Variants in UNC79 observed in about 807,000 individuals in gnomAD.
UNC79 encodes unc-79 subunit of NALCN channel complex, also known as protein unc-79 homolog.
A neutral mutation model predicts 283.1 loss-of-function variants in UNC79; 37 were observed. The observed-to-expected ratio is 0.13, with a 90% CI of 0.10 to 0.17. The LOEUF (loss-of-function observed/expected upper bound fraction) is 0.17, where lower values mean the gene tolerates loss of function less well. UNC79 is among the 10% of genes least tolerant of loss of function. The pLI is 1.00. For missense variants in UNC79, 2,272 were observed against 3,211.1 expected, an observed-to-expected ratio of 0.71 and a Z score of 7.07; for synonymous variants, 1,107 against 1,200.2, an observed-to-expected ratio of 0.92 and a Z score of 1.61.
chr14:93,677,442 G>C (rs1396327682), intron 41 of UNC79, among the ~76,000 whole-genome samples: 5 of 152,168 alleles, frequency 3.3e-5, no homozygotes, highest in Admixed American at 3.3e-4. Flanking sequence ...AGCTTGTGCA[G>C]GGGAACTCCC....
intron 27 of UNC79, among the ~76,000 whole-genome samples, chr14:93,614,388 C>A (rs2066537558): frequency 6.6e-6 from 1 of 152,000 alleles, no homozygotes; most frequent in Non-Finnish European, 1.5e-5. Flanking sequence ...GCAGTCTCGG[C>A]TCACTGCAAG....
exon 4 of UNC79, chr14:93,477,602 T>C (rs2057876798): frequency 6.2e-7 from 1 of 1,610,922 alleles, no homozygotes; most frequent in Non-Finnish European, 8.5e-7. Context: ...TTTGCTACCT[T>C]TTCTCAATGA....
At chr14:93,473,749 C>T (rs1176669032) in intron 2 of UNC79, among the ~76,000 whole-genome samples, 2 of 152,150 alleles carry the variant, frequency 1.3e-5, no homozygotes, top group Non-Finnish European at 2.9e-5. Flanking sequence ...TAGACAAAGC[C>T]GTTGTTTTTT....
At chr14:93,702,981 C>T (rs1314001291) in intron 47 of UNC79, among the ~76,000 whole-genome samples, 2 of 152,240 alleles carry the variant, frequency 1.3e-5, no homozygotes, top group Non-Finnish European at 2.9e-5. Context: ...TAGAGCATCC[C>T]CTCTTCGGAA....
In UNC79 at chr14:93,640,258, C is replaced by G. The variant is rs138179647; in HGVS notation, c.5801-887C>G. On this transcript the variant is annotated intron_variant, in intron 32 of 48. Coordinates refer to ENST00000555664, the Ensembl canonical transcript of UNC79. ...CCCAAAGTTTTAAACACCGTGGTAT[C>G]GATTGGCTGACGTGGAATGAGTCAC... Among the ~76,000 whole-genome samples the G allele has an allele frequency of 2.6e-5, 4 of 152,262 alleles. No homozygotes were observed. In the East Asian group the frequency reaches 7.7e-4, roughly 29 times the overall value.
chr14:93,446,620 C>T (rs2056468738), intron 1 of UNC79, among the ~76,000 whole-genome samples: 1 of 152,164 alleles, frequency 6.6e-6, no homozygotes, highest in Non-Finnish European at 1.5e-5. Context: ...TCTCAGATTC[C>T]TGACCTCAAA....
chr14:93,606,828 CTA>C (rs1168223714), intron 26 of UNC79, among the ~76,000 whole-genome samples: 1 of 152,200 alleles, frequency 6.6e-6, no homozygotes, highest in Non-Finnish European at 1.5e-5. Context: ...TCACATTTCT[CTA>C]TGACTTTTCA....
chr14:93,407,617 CA>C (rs2055252535), intron 1 of UNC79, among the ~76,000 whole-genome samples: 1 of 152,020 alleles, frequency 6.6e-6, no homozygotes, highest in African/African-American at 2.4e-5. Context: ...AGGAGAAGGG[CA>C]ATCAGATCAT....
At chr14:93,658,514 GTTTA>G (rs2071194783) in intron 38 of UNC79, among the ~76,000 whole-genome samples, 1 of 152,146 alleles carries the variant, frequency 6.6e-6, no homozygotes. Flanking sequence ...CCATATCATT[GTTTA>G]TTCTTGCTGT....
intron 7 of UNC79, among the ~76,000 whole-genome samples, chr14:93,518,967 G>A (rs996520506): frequency 4.0e-5 from 6 of 151,892 alleles, no homozygotes; most frequent in Admixed American, 1.3e-4. Context: ...CTTGTTAAAT[G>A]TTGCACGTGT....
intron 1 of UNC79, among the ~76,000 whole-genome samples, chr14:93,449,978 TC>T (rs2056586435): frequency 1.3e-5 from 2 of 152,210 alleles, no homozygotes; most frequent in Non-Finnish European, 1.5e-5. Flanking sequence ...ACGCCCTCTT[TC>T]ATATCATGAA....
At chr14:93,391,782 C>T (rs34400943) in intron 1 of UNC79, among the ~76,000 whole-genome samples, 2,888 of 152,120 alleles carry the variant, frequency 0.019, 39 homozygotes, top group Non-Finnish European at 0.032. Flanking sequence ...TAAAAAAAGA[C>T]GATTTATATA....
intron 29 of UNC79, among the ~76,000 whole-genome samples, chr14:93,620,470 A>G (rs936173342): frequency 3.9e-5 from 6 of 152,142 alleles, no homozygotes; most frequent in Non-Finnish European, 5.9e-5. Flanking sequence ...GGAAAGCCCA[A>G]GATCCACTCA....
At chr14:93,668,489 T>C (rs1214798256) in intron 40 of UNC79, among the ~76,000 whole-genome samples, 2 of 151,924 alleles carry the variant, frequency 1.3e-5, no homozygotes, top group African/African-American at 2.4e-5. Context: ...GGTGGGAAGA[T>C]CGCTTGAGCC....
chr14:93,497,192 A>G (rs947471378), exon 7 of UNC79: 6 of 1,613,538 alleles, frequency 3.7e-6, no homozygotes, highest in Non-Finnish European at 5.1e-6. Flanking sequence ...GGCCTTCACA[A>G]GTGAAGCCTC....
chr14:93,639,447 C>G (rs998882042), intron 32 of UNC79, among the ~76,000 whole-genome samples: 1 of 152,182 alleles, frequency 6.6e-6, no homozygotes, highest in Non-Finnish European at 1.5e-5. Flanking sequence ...CTTGCCTTTT[C>G]TGTTATTAAT....
At chr14:93,618,306 T>G (rs1413492399) in exon 29 of UNC79, 2 of 1,613,862 alleles carry the variant, frequency 1.2e-6, no homozygotes, top group Non-Finnish European at 1.7e-6. Context: ...GGCAGGACCT[T>G]TGTACAGTGA....
intron 1 of UNC79, among the ~76,000 whole-genome samples, chr14:93,357,735 A>G (rs1212376333): frequency 1.8e-4 from 22 of 123,458 alleles, no homozygotes; most frequent in East Asian, 1.1e-3. Flanking sequence ...ATATGGATGT[A>G]TATATATATA....
chr14:93,536,782 C>CCT (rs1567069571), intron 11 of UNC79, among the ~76,000 whole-genome samples: 6 of 82,436 alleles, frequency 7.3e-5, no homozygotes, highest in South Asian at 5.7e-4. Flanking sequence ...CCACCCCCGG[C>CCT]TTTTTTTTTT....
Sources: allele counts gnomAD v4.1 joint callset (sites outside exome capture counted in the v4.1 genomes callset), GRCh38; gene constraint gnomAD v4.1.1; transcripts MANE v1.5; gene names NCBI Gene and HGNC (gene_info 2026-07-23, HGNC 2026-07-21).